The following SGCE variants were observed in gnomAD, a reference collection of about 807,000 sequenced individuals.
SGCE encodes sarcoglycan epsilon, also known as epsilon-sarcoglycan.
A neutral mutation model predicts 57.8 loss-of-function variants in SGCE; 26 were observed. That is an observed-to-expected ratio of 0.45 (90% CI 0.33 to 0.62). The LOEUF (loss-of-function observed/expected upper bound fraction) is 0.62, where lower values mean the gene tolerates loss of function less well. SGCE is among the 20% of genes least tolerant of loss of function. The probability of loss-of-function intolerance (pLI) is 0.02; values close to 1 mark genes in which losing one functional copy is unlikely to be tolerated. For synonymous variants in SGCE, 183 were observed against 189.5 expected (o/e 0.97, Z 0.28); for missense variants, 468 against 548.6 (o/e 0.85, Z 1.47).
intron 1 of SGCE, 177 bp from the exon 2 acceptor site, chr7:94,630,018 G>A (rs1804436397): frequency 3.2e-6 from 2 of 626,796 alleles, no homozygotes; most frequent in African/African-American, 1.9e-5. Context: ...AGTGATTTCA[G>A]GACAAAATGG....
At chr7:94,628,534 C>T (rs545808070) in intron 2 of SGCE, 175 bp from the exon 3 acceptor site, 1 of 572,824 alleles carries the variant, frequency 1.7e-6, no homozygotes, top group South Asian at 2.2e-5. Flanking sequence ...TAAAAAAAAT[C>T]CTTTTGGTTG....
At chr7:94,589,968 A>G (rs1797452126) in intron 9 of SGCE, 1 of 152,304 alleles carries the variant, frequency 6.6e-6, no homozygotes, top group Non-Finnish European at 1.5e-5. Context: ...CTTGGGGACC[A>G]CTGTTCTAAG....
intron 1 of SGCE, among the ~76,000 whole-genome samples, chr7:94,634,652 G>C (rs984439853): frequency 6.6e-6 from 1 of 152,114 alleles, no homozygotes; most frequent in Non-Finnish European, 1.5e-5. Flanking sequence ...ACACACATAG[G>C]GCTCTGCTAG....
intron 9 of SGCE, among the ~76,000 whole-genome samples, chr7:94,592,955 A>G (rs1332825606): frequency 1.3e-5 from 2 of 152,128 alleles, no homozygotes; most frequent in African/African-American, 4.8e-5. Flanking sequence ...ATTTTTGGAA[A>G]ACAATGGCTC....
chr7:94,600,860 G>A lies in SGCE; in HGVS notation c.826-3C>T. 6.2e-7 allele frequency: 1 copy of A among 1,603,592 alleles called. No individual in the cohort carries two copies. The highest frequency in any genetic ancestry group is 8.5e-7 in the Non-Finnish European group (1 of 1,173,456). The stretch of plus-strand genomic sequence containing the variant: ...GACACTTGCTTTGTTTTATCAACCT[G>A]ATATAAAAGAAGACAATTACACAAC... On this transcript the variant is annotated splice_polypyrimidine_tract_variant and splice_region_variant and intron_variant, in intron 6 of 10. Coordinates refer to ENST00000648936, the MANE Select transcript of SGCE (RefSeq NM_003919.3).
intron 2 of SGCE, chr7:94,629,170 G>A (rs1247511087): frequency 6.6e-6 from 1 of 152,104 alleles, no homozygotes; most frequent in East Asian, 1.9e-4. Context: ...TCATTAACTT[G>A]ATGGCATTTA....
intron 1 of SGCE, among the ~76,000 whole-genome samples, chr7:94,632,004 C>G (rs956233549): frequency 3.3e-5 from 5 of 151,846 alleles, no homozygotes; most frequent in African/African-American, 1.2e-4. Context: ...TGTATCAATG[C>G]CTATGGAATG....
intron 10 of SGCE, chr7:94,587,956 C>T (rs760846281): frequency 1.2e-4 from 178 of 1,429,634 alleles, no homozygotes; most frequent in Non-Finnish European, 1.5e-4. Context: ...GAATTCCACA[C>T]CCAACTTACA....
chr7:94,592,299 A>G (rs1226269585), intron 9 of SGCE, among the ~76,000 whole-genome samples: 1 of 152,206 alleles, frequency 6.6e-6, no homozygotes, highest in Non-Finnish European at 1.5e-5. Flanking sequence ...TCTGCTAGTT[A>G]AGATGCAGAG....
At chr7:94,609,078 A>C (rs1337524217) in intron 5 of SGCE, among the ~76,000 whole-genome samples, 2 of 152,242 alleles carry the variant, frequency 1.3e-5, no homozygotes, top group African/African-American at 4.8e-5. Context: ...GACTTAATTA[A>C]AATTAAAAAT....
chr7:94,637,533 A>G (rs1461038467), intron 1 of SGCE, among the ~76,000 whole-genome samples: 1 of 152,202 alleles, frequency 6.6e-6, no homozygotes, highest in African/African-American at 2.4e-5. Flanking sequence ...AATCAGTGTG[A>G]GGTTCAATGA....
chr7:94,623,381 C>T lies in SGCE; in HGVS notation c.407G>A (p.Arg136Lys), dbSNP rs1369724881. The change falls in exon 4 of 11, where the codon AGG (arginine) becomes AAG (lysine). Residue 136 changes from arginine to lysine, a missense_variant. Transcript: ENST00000648936. ...PTIIEITAYN[R>K]RTFETARHNL... Reference sequence around the variant, plus strand: ...ATGCCTTGCAGTCTCAAAGGTGCGCCTGTTGTAGGCAGTTATCTATTATAA... The same window carrying T: ...ATGCCTTGCAGTCTCAAAGGTGCGCTTGTTGTAGGCAGTTATCTATTATAA... The T allele has an allele frequency of 6.2e-7, 1 of 1,602,702 alleles. No individual in the cohort carries two copies. Among genetic ancestry groups the T allele is most frequent in the Non-Finnish European group, 8.5e-7 (1 of 1,171,012 alleles).
intron 6 of SGCE, among the ~76,000 whole-genome samples, chr7:94,603,066 G>T (rs906275141): frequency 6.6e-6 from 1 of 152,110 alleles, no homozygotes; most frequent in African/African-American, 2.4e-5. Flanking sequence ...AGCTAATCCA[G>T]CCCCAGCAAT....
chr7:94,603,494 T>G (rs774652355), intron 5 of SGCE, 42 bp from the exon 6 acceptor site: 1 of 1,581,544 alleles, frequency 6.3e-7, no homozygotes, highest in East Asian at 2.3e-5. Context: ...TTAAGAAAAT[T>G]GAAAACACTA....
intron 10 of SGCE, among the ~76,000 whole-genome samples, chr7:94,586,010 T>C (rs1205794206): frequency 6.9e-6 from 1 of 144,756 alleles, no homozygotes; most frequent in African/African-American, 2.6e-5. Flanking sequence ...CAGCAGCTAG[T>C]TCATTTCTTA....
intron 5 of SGCE, among the ~76,000 whole-genome samples, chr7:94,615,834 C>G (rs916188171): frequency 9.2e-5 from 14 of 152,166 alleles, no homozygotes; most frequent in Non-Finnish European, 4.4e-5. Context: ...GAAATATGAA[C>G]CTGCTCTTCT....
intron 1 of SGCE, among the ~76,000 whole-genome samples, chr7:94,636,345 C>T (rs1379891559): frequency 6.6e-6 from 1 of 152,188 alleles, no homozygotes. Flanking sequence ...CAGATCATAA[C>T]ATTATTTCCT....
Position 94,585,313 on chromosome 7 carries a change from C to CT in SGCE, c.*185dup, listed in dbSNP as rs1044462087. 2.0e-6 allele frequency: 1 copy of CT among 512,324 alleles called. No homozygotes were observed. The highest frequency in any genetic ancestry group is 1.9e-5 in the African/African-American group (1 of 52,844). The allele number at this position is 512,324 out of a possible 1,614,324, so 31.7% of individuals were successfully genotyped here. On this transcript the variant is annotated 3_prime_UTR_variant, in exon 11 of 11. Coordinates refer to ENST00000648936, the MANE Select transcript of SGCE (RefSeq NM_003919.3). ...AATGTTTTACAAATTGTCAAAAATG[C>CT]TTTAAGTACAAAAAAATACATTAGT...
intron 9 of SGCE, 72 bp downstream of exon 9, chr7:94,598,703 G>C (rs1342220684): frequency 1.9e-6 from 2 of 1,039,448 alleles, no homozygotes; most frequent in African/African-American, 1.6e-5. Flanking sequence ...ACAACAGAAA[G>C]CTCTGTTCTT....
Sources: gnomAD v4.1 joint callset for allele counts (sites outside exome capture counted in the v4.1 genomes callset) on GRCh38, gnomAD v4.1.1 for gene constraint, MANE v1.5 for transcripts, NCBI Gene and HGNC (gene_info 2026-07-23, HGNC 2026-07-21) for gene names.